CBLN3: variants seen among roughly 807,000 people sequenced by gnomAD.
CBLN3 encodes the protein cerebellin-3.
Under a neutral mutation model 17.4 loss-of-function variants are expected in CBLN3, and 14 were observed. The observed-to-expected ratio is 0.81, with a 90% CI of 0.53 to 1.26. The LOEUF is 1.26. Among genes scored for constraint, CBLN3 ranks in the 50% most tolerant of loss-of-function variants. The probability of loss-of-function intolerance (pLI) is 0.00; values close to 1 mark genes in which losing one functional copy is unlikely to be tolerated. For synonymous variants in CBLN3, 129 were observed against 117.4 expected (o/e 1.10, Z -0.64); for missense variants, 263 against 268.5 (o/e 0.98, Z 0.14).
At chr14:24,428,073 G>A (rs2043040172) in intron 2 of CBLN3, 87 bp from the exon 3 acceptor site, 1 of 1,419,294 alleles carries the variant, frequency 7.0e-7, no homozygotes, top group Admixed American at 1.9e-5. Context: ...TTGGGAAGCT[G>A]GGTTTTAATG....
intron 2 of CBLN3, 144 bp downstream of exon 2, chr14:24,428,142 C>T: frequency 1.5e-6 from 2 of 1,335,398 alleles, no homozygotes; most frequent in East Asian, 2.3e-5. Flanking sequence ...CCTCCACACT[C>T]AATGCAAGGC....
intron 1 of CBLN3, among the ~76,000 whole-genome samples, 154 bp downstream of exon 1, chr14:24,428,601 C>T (rs1010219480): frequency 8.7e-5 from 13 of 150,158 alleles, no homozygotes; most frequent in African/African-American, 2.5e-4. Context: ...GAGGGGAAAC[C>T]GTCGGTGGGG....
Position 24,429,054 on chromosome 14 carries a change from TGGCTGAGG to T in CBLN3, c.-8_-1del. The T allele has an allele frequency of 2.7e-6, 4 of 1,495,832 alleles. No individual in the cohort carries two copies. The highest frequency in any genetic ancestry group is 3.6e-6 in the Non-Finnish European group (4 of 1,116,842). The allele number at this position is 1,495,832 out of a possible 1,614,324, so 92.7% of individuals were successfully genotyped here. A position where few individuals can be genotyped will look rare whatever the true frequency, so the allele number is the denominator to read the frequency against. Reference sequence around the variant, plus strand: ...AGCCAGTGTGGCTTGGCTCCCAACATGGCTGAGGGGCTCTGCAACCCACAAGTGCCCCG... The same window carrying T: ...AGCCAGTGTGGCTTGGCTCCCAACATGGCTCTGCAACCCACAAGTGCCCCG... On this transcript the variant is annotated 5_prime_UTR_variant, in exon 1 of 3. Coordinates refer to ENST00000267406, the MANE Select transcript of CBLN3 (RefSeq NM_001039771.3).
At position 24,429,138 on chromosome 14, in the gene CBLN3, G is replaced by A. The variant is rs181787327; in HGVS notation, c.-84C>T. The A allele has an allele frequency of 4.3e-6, 6 of 1,402,026 alleles. No individual in the cohort carries two copies. The Admixed American group carries it at 1.1e-4, about 26-fold the overall frequency. 86.8% of individuals were successfully genotyped at this position (1,402,026 alleles called of 1,614,324 possible). ...CTCCTCTCCCTGGATTCTCACCGCC[G>A]GCACCCTGATCGTCTGCCCTCTCTA... On this transcript the variant is annotated 5_prime_UTR_variant, in exon 1 of 3. Coordinates refer to ENST00000267406, the MANE Select transcript of CBLN3 (RefSeq NM_001039771.3).
chr14:24,427,786 T>C lies in CBLN3; in HGVS notation c.*3A>G. Reference sequence around the variant, plus strand: ...GATTCTTGTGCTTGAAAGACTTGGGTCCTCAGAGAGGGAAGATGAGGAAGC... The same window carrying C: ...GATTCTTGTGCTTGAAAGACTTGGGCCCTCAGAGAGGGAAGATGAGGAAGC... On this transcript the variant is annotated 3_prime_UTR_variant, in exon 3 of 3. Coordinates refer to ENST00000267406, the MANE Select transcript of CBLN3 (RefSeq NM_001039771.3). The surrounding 1 kb of genome is among the most constrained non-coding windows in gnomAD (Gnocchi z 4.4). The C allele has an allele frequency of 6.2e-7, 1 of 1,613,792 alleles. No homozygotes were observed. Among genetic ancestry groups the C allele is most frequent in the Non-Finnish European group, 8.5e-7 (1 of 1,179,850 alleles).
chr14:24,427,467 G>C lies in CBLN3; in HGVS notation c.*322C>G. 3.2e-6 allele frequency: 1 copy of C among 315,598 alleles called. No homozygotes were observed. Among genetic ancestry groups the C allele is most frequent in the South Asian group, 3.2e-5 (1 of 31,524 alleles). The allele number at this position is 315,598 out of a possible 1,614,324, so 19.5% of individuals were successfully genotyped here. On this transcript the variant is annotated 3_prime_UTR_variant, in exon 3 of 3. Transcript: ENST00000267406. The surrounding 1 kb of genome is among the most constrained non-coding windows in gnomAD (Gnocchi z 4.4). ...AGCATTGAGCAGGAAGCTGGGGTGG[G>C]GGAACCGGAGGAGCAGAGGCCGCAA...
In CBLN3 at chr14:24,427,815, A is replaced by G. The variant is rs2043034797; in HGVS notation, c.592T>C (p.Ser198Pro). 1 of 1,614,134 alleles carries G rather than the reference A, an allele frequency of 6.2e-7. No individual in the cohort carries two copies. The highest frequency in any genetic ancestry group is 8.5e-7 in the Non-Finnish European group (1 of 1,180,000). Residue 198 changes from serine (S) to proline (P), a missense_variant, in exon 3 of 3, where the codon TCT becomes CCT. Physicochemically the swap from Ser to Pro is moderately conservative, Grantham distance 74 (BLOSUM62 -1). Transcript: ENST00000267406. The surrounding 1 kb of genome is among the most constrained non-coding windows in gnomAD (Gnocchi z 4.4). ...LLGGWKYSSF[S>P]GFLIFPL is the part of the protein sequence containing the mutation. ...CAGAGAGGGAAGATGAGGAAGCCAG[A>G]GAAACTTGAGTATTTCCAACCACCC...
Position 24,427,698 on chromosome 14 carries a change from GTC to G in CBLN3, c.*89_*90del. The G allele has an allele frequency of 8.4e-7, 1 of 1,186,648 alleles. No homozygotes were observed. The highest frequency in any genetic ancestry group is 1.2e-6 in the Non-Finnish European group (1 of 806,260). 73.5% of individuals were successfully genotyped at this position (1,186,648 alleles called of 1,614,324 possible). A position where few individuals can be genotyped will look rare whatever the true frequency, so the allele number is the denominator to read the frequency against. ...AGAGGTGGGATAGGAGCCAGAGGGA[GTC>G]TCTCTCCTGCCTCTGCTGTTTCTGG... On this transcript the variant is annotated 3_prime_UTR_variant, in exon 3 of 3. Coordinates refer to ENST00000267406, the MANE Select transcript of CBLN3 (RefSeq NM_001039771.3). This position sits in a 1 kb window ranked among gnomAD's most constrained non-coding sequence, Gnocchi z 4.4.
Position 24,429,007 on chromosome 14 carries a change from G to C in CBLN3, c.48C>G (p.Pro16=), listed in dbSNP as rs368998125. 1 of 1,546,842 alleles carries C rather than the reference G, an allele frequency of 6.5e-7. No homozygotes were observed. The highest frequency in any genetic ancestry group is 2.0e-5 in the Admixed American group (1 of 50,618). The stretch of plus-strand genomic sequence containing the variant: ...GAAGCACCAGAACCAAGGGCAGCCC[G>C]GGACTGTGTAGGGGACCTGGTAGCC... ...PHWLPGPLHS[P]GLPLVLVLLA... The change falls in exon 1 of 3, where the codon CCC becomes CCG. Residue 16 remains proline (P), a synonymous_variant. Transcript: ENST00000267406.
rs2043038123 is a variant in CBLN3, at chr14:24,427,998, A to G, written c.421-12T>C. On this transcript the variant is annotated splice_polypyrimidine_tract_variant and intron_variant, in intron 2 of 2. Transcript: ENST00000267406. The surrounding 1 kb of genome is among the most constrained non-coding windows in gnomAD (Gnocchi z 4.4). ...AGCATCAGGCTCACCTGGGGAGGGG[A>G]GCCCAGTTAGCCCCCATTCCCCAGC... 4.3e-6 allele frequency: 7 copies of G among 1,609,628 alleles called. No individual in the cohort carries two copies. Among genetic ancestry groups the G allele is most frequent in the Non-Finnish European group, 5.1e-6 (6 of 1,178,346 alleles).
Position 24,429,084 on chromosome 14 carries a change from C to A in CBLN3, c.-30G>T. ...GAGGGGCTCTGCAACCCACAAGTGC[C>A]CCGGTCTTCTGCCCCTCTTCTGTTT... On this transcript the variant is annotated 5_prime_UTR_variant, in exon 1 of 3. Transcript: ENST00000267406. 6.8e-7 allele frequency: 1 copy of A among 1,465,478 alleles called. No homozygotes were observed. Among genetic ancestry groups the A allele is most frequent in the Admixed American group, 2.7e-5 (1 of 37,566 alleles). The allele number at this position is 1,465,478 out of a possible 1,614,324, so 90.8% of individuals were successfully genotyped here. A position where few individuals can be genotyped will look rare whatever the true frequency, so the allele number is the denominator to read the frequency against.
rs1171692845 is a variant in CBLN3, at chr14:24,428,746, G to A, written c.300+9C>T. The A allele has an allele frequency of 1.3e-6, 2 of 1,573,524 alleles. No individual in the cohort carries two copies. Among genetic ancestry groups the A allele is most frequent in the Non-Finnish European group, 1.7e-6 (2 of 1,156,222 alleles). On this transcript the variant is annotated intron_variant, in intron 1 of 2. Coordinates refer to ENST00000267406, the MANE Select transcript of CBLN3 (RefSeq NM_001039771.3). ...TTCCAGGTCCCCTGGACAGGGGTAG[G>A]GGGATTACCTGGTCGAAGTAGATGG...
rs866254952 is a variant in CBLN3 at position 24,428,812 on chromosome 14, G to A, written c.243C>T (p.His81=). 1 of 1,611,698 alleles carries A rather than the reference G, an allele frequency of 6.2e-7. No individual in the cohort carries two copies. The highest frequency in any genetic ancestry group is 1.7e-4 in the Middle Eastern group (1 of 6,046). Residue 81 remains histidine, a synonymous_variant, in exon 1 of 3, where the codon CAC becomes CAT. Coordinates refer to ENST00000267406, the MANE Select transcript of CBLN3 (RefSeq NM_001039771.3). ...RVAFAAVRSH[H]HEPAGETGNG... ...TGCCGGTTTCCCCTGCTGGCTCATG[G>A]TGGTGGCTTCGGACCGCAGCAAATG...
chr14:24,428,692 A>G, intron 1 of CBLN3, 63 bp downstream of exon 1: 1 of 1,501,148 alleles, frequency 6.7e-7, no homozygotes, highest in Non-Finnish European at 9.0e-7. Context: ...GTGGGCTTGG[A>G]CAGTTGCTTC....
Position 24,429,590 on chromosome 14 carries a change from C to T in CBLN3, c.-536G>A, listed in dbSNP as rs900897041. ...ACTCCACCACGGGTACCCTCCGCCTCCCGCCTCCCGCCTACCCCCTCCGCC... is the reference window on the plus strand; with the variant it reads ...ACTCCACCACGGGTACCCTCCGCCTTCCGCCTCCCGCCTACCCCCTCCGCC... On this transcript the variant is annotated 5_prime_UTR_variant, in exon 1 of 3. Transcript: ENST00000267406. The T allele has an allele frequency of 5.1e-6, 4 of 776,984 alleles. No individual in the cohort carries two copies. The highest frequency in any genetic ancestry group is 7.1e-6 in the Non-Finnish European group (4 of 566,584). The allele number at this position is 776,984 out of a possible 1,614,324, so 48.1% of individuals were successfully genotyped here.
Position 24,428,318 on chromosome 14 carries a change from C to T in CBLN3, c.388G>A (p.Val130Met). ...VRGVYSFRFH[V>M]VKVYNRQTVQ... ...GTTTGGCGGTTGTACACCTTCACCA[C>T]ATGGAACCGGAAGCTGTAGACACCC... The change falls in exon 2 of 3, where the codon GTG becomes ATG. Residue 130 changes from valine to methionine, a missense_variant. Transcript: ENST00000267406. 2 of 1,613,950 alleles carry T rather than the reference C, an allele frequency of 1.2e-6. No individual in the cohort carries two copies. Among genetic ancestry groups the T allele is most frequent in the Non-Finnish European group, 1.7e-6 (2 of 1,179,922 alleles).
At position 24,427,544 on chromosome 14, in the gene CBLN3, A is replaced by C. The variant is rs1401270822; in HGVS notation, c.*245T>G. The C allele has an allele frequency of 2.1e-6, 1 of 487,014 alleles. No individual in the cohort carries two copies. The highest frequency in any genetic ancestry group is 3.6e-6 in the Non-Finnish European group (1 of 281,634). The allele number at this position is 487,014 out of a possible 1,614,324, so 30.2% of individuals were successfully genotyped here. On this transcript the variant is annotated 3_prime_UTR_variant, in exon 3 of 3. Transcript: ENST00000267406. This position sits in a 1 kb window ranked among gnomAD's most constrained non-coding sequence, Gnocchi z 4.4. ...AACCTTGCCCTGATCCTAGGGCTGC[A>C]GGCAGGAACAGATGCAGCAGGTGGC... is the stretch of plus-strand genomic sequence containing the variant.
intron 1 of CBLN3, 117 bp from the exon 2 acceptor site, chr14:24,428,522 G>A (rs1244747215): frequency 8.0e-7 from 1 of 1,252,412 alleles, no homozygotes; most frequent in Non-Finnish European, 1.1e-6. Flanking sequence ...AAGTAGGAGT[G>A]AATAGGAGTG....
In CBLN3 at chr14:24,427,517, C is replaced by T. The variant is rs1244454664; in HGVS notation, c.*272G>A. The T allele has an allele frequency of 2.3e-5, 10 of 443,278 alleles. No homozygotes were observed. The highest frequency in any genetic ancestry group is 4.0e-5 in the Non-Finnish European group (10 of 248,354). The allele number at this position is 443,278 out of a possible 1,614,324, so 27.5% of individuals were successfully genotyped here. ...AAGTAGTGCAGATCTTCCTTCTTGCCAAACCTTGCCCTGATCCTAGGGCTG... is the reference window on the plus strand; with the variant it reads ...AAGTAGTGCAGATCTTCCTTCTTGCTAAACCTTGCCCTGATCCTAGGGCTG... On this transcript the variant is annotated 3_prime_UTR_variant, in exon 3 of 3. Transcript: ENST00000267406. The surrounding 1 kb of genome is among the most constrained non-coding windows in gnomAD (Gnocchi z 4.4).
Sources: allele counts gnomAD v4.1 joint callset (sites outside exome capture counted in the v4.1 genomes callset), GRCh38; gene constraint gnomAD v4.1.1; non-coding constraint Gnocchi (gnomAD v3.1); transcripts MANE v1.5; gene names NCBI Gene and HGNC (gene_info 2026-07-23, HGNC 2026-07-21).